Variants in SLC26A3 observed in about 807,000 individuals in gnomAD.
SLC26A3 encodes the protein solute carrier family 26 member 3, also known as chloride anion exchanger.
SLC26A3 carries 64 observed loss-of-function variants against 85.6 expected under a neutral mutation model. The ratio of observed to expected loss-of-function variants is 0.75; its 90% CI spans 0.61 to 0.92. The LOEUF (loss-of-function observed/expected upper bound fraction) is 0.92, where lower values mean the gene tolerates loss of function less well. SLC26A3 is among the 40% of genes least tolerant of loss of function. SLC26A3 has a pLI of 0.00. For missense variants in SLC26A3, 922 were observed against 927.3 expected, an observed-to-expected ratio of 0.99 and a Z score of 0.07; for synonymous variants, 349 against 336.0, an observed-to-expected ratio of 1.04 and a Z score of -0.42.
At chr7:107,784,860 T>C (rs1252091102) in intron 8 of SLC26A3, among the ~76,000 whole-genome samples, 3 of 152,232 alleles carry the variant, frequency 2.0e-5, no homozygotes, top group Non-Finnish European at 4.4e-5. Flanking sequence ...AATATACTCC[T>C]TGTGTTTCCT....
chr7:107,787,859 T>C (rs1206908888), intron 6 of SLC26A3, among the ~76,000 whole-genome samples: 5 of 152,218 alleles, frequency 3.3e-5, no homozygotes, highest in African/African-American at 1.2e-4. Flanking sequence ...ATTTTTTATT[T>C]CACAGCCATC....
intron 13 of SLC26A3, among the ~76,000 whole-genome samples, chr7:107,777,815 C>T (rs1486964028): frequency 6.6e-6 from 1 of 152,174 alleles, no homozygotes; most frequent in African/African-American, 2.4e-5. Context: ...ATCTCAGTAA[C>T]ACATTTCCAT....
intron 16 of SLC26A3, among the ~76,000 whole-genome samples, chr7:107,774,534 A>T (rs982077082): frequency 1.3e-5 from 2 of 152,218 alleles, no homozygotes; most frequent in Non-Finnish European, 2.9e-5. Context: ...AGCCTAGGCC[A>T]CAGAGCAAGA....
intron 8 of SLC26A3, among the ~76,000 whole-genome samples, chr7:107,783,962 T>C (rs1350779921): frequency 6.6e-6 from 1 of 152,216 alleles, no homozygotes; most frequent in Non-Finnish European, 1.5e-5. Context: ...ACTTCTGTGC[T>C]TAAGCCTCAT....
intron 19 of SLC26A3, 38 bp from the exon 20 acceptor site, chr7:107,767,682 AT>A (rs752451485): frequency 5.0e-6 from 8 of 1,600,156 alleles, no homozygotes; most frequent in East Asian, 4.5e-5. Context: ...TTAGGGGCTG[AT>A]TTTTTTTAAT....
chr7:107,796,859 TG>T (rs1305053108), intron 1 of SLC26A3, among the ~76,000 whole-genome samples: 1 of 152,190 alleles, frequency 6.6e-6, no homozygotes, highest in Admixed American at 6.5e-5. Flanking sequence ...AAAAAGATTC[TG>T]CTCTTTGCTT....
Position 107,791,067 on chromosome 7 carries a change from A to T in SLC26A3, c.551T>A (p.Val184Glu). 6.2e-7 allele frequency: 1 copy of T among 1,613,996 alleles called. No homozygotes were observed. Among genetic ancestry groups the T allele is most frequent in the Non-Finnish European group, 8.5e-7 (1 of 1,180,014 alleles). ...VRVAAAASVTVLSGIIQLAFG... is the reference protein window; with the variant it reads ...VRVAAAASVTELSGIIQLAFG... ...GCTCACCTGGATGATTCCAGAAAGCACTGTGACTGATGCCGCCGCCGCCAC... is the reference window on the plus strand; with the variant it reads ...GCTCACCTGGATGATTCCAGAAAGCTCTGTGACTGATGCCGCCGCCGCCAC... The change falls in exon 5 of 21, where the codon GTG (valine) becomes GAG (glutamate). Residue 184 changes from valine to glutamate, a missense_variant. By Grantham distance (121) the Val-to-Glu change is moderately radical (BLOSUM62 -2). Transcript: ENST00000340010.
chr7:107,772,302 G>T (rs1477948239), intron 17 of SLC26A3, among the ~76,000 whole-genome samples, 194 bp from the exon 18 acceptor site: 1 of 152,060 alleles, frequency 6.6e-6, no homozygotes, highest in East Asian at 1.9e-4. Flanking sequence ...CCAAACAAAA[G>T]AACCCTTCTC....
chr7:107,776,809 A>G, intron 13 of SLC26A3, 103 bp from the exon 14 acceptor site: 1 of 1,032,898 alleles, frequency 9.7e-7, no homozygotes, highest in East Asian at 2.4e-5. Flanking sequence ...TCACTTTTCA[A>G]AATGTAAAAG....
chr7:107,778,267 C>T lies in SLC26A3; in HGVS notation c.1422G>A (p.Met474Ile), dbSNP rs753994994. 3 of 1,608,572 alleles carry T rather than the reference C, an allele frequency of 1.9e-6. No individual in the cohort carries two copies. The Admixed American group carries it at 5.0e-5, about 27-fold the overall frequency. Residue 474 changes from methionine to isoleucine, a missense_variant, in exon 13 of 21, where the codon ATG (methionine) becomes ATA (isoleucine). Physicochemically the swap from Met to Ile is conservative, Grantham distance 10. Coordinates refer to ENST00000340010, the MANE Select transcript of SLC26A3 (RefSeq NM_000111.3). Reference sequence around the variant, plus strand: ...CCAGGACAATGGTGAAGATGAAGGTCATGATCCAAATTAACTGTGAAAAGA... The same window carrying T: ...CCAGGACAATGGTGAAGATGAAGGTTATGATCCAAATTAACTGTGAAAAGA... ...KDKYDCLIWI[M>I]TFIFTIVLGL...
chr7:107,794,859 T>G (rs938960092), intron 1 of SLC26A3, among the ~76,000 whole-genome samples: 2 of 152,220 alleles, frequency 1.3e-5, no homozygotes, highest in Non-Finnish European at 2.9e-5. Context: ...ATTAGTCAAT[T>G]TTTTACTTAC....
chr7:107,770,460 G>A (rs1794011361), intron 18 of SLC26A3, among the ~76,000 whole-genome samples: 1 of 149,520 alleles, frequency 6.7e-6, no homozygotes, highest in Admixed American at 6.7e-5. Flanking sequence ...GTTTCACCAT[G>A]TTGCCCAGGC....
In SLC26A3 at chr7:107,779,820, A is replaced by G. The variant is rs751148050; in HGVS notation, c.1312-57T>C. 7.7e-4 allele frequency: 1,092 copies of G among 1,412,830 alleles called. 1 individual carries two copies. Among genetic ancestry groups the G allele is most frequent in the Non-Finnish European group, 1.0e-3 (1,015 of 1,000,204 alleles). The allele number at this position is 1,412,830 out of a possible 1,614,324, so 87.5% of individuals were successfully genotyped here. ...AAGTTAATGAAATAAACCACAGGGA[A>G]GCAAAGGTGAAGGCTATAGATAAGT... On this transcript the variant is annotated intron_variant, in intron 11 of 20. Coordinates refer to ENST00000340010, the MANE Select transcript of SLC26A3 (RefSeq NM_000111.3).
chr7:107,782,456 C>T (rs938647789), intron 11 of SLC26A3, among the ~76,000 whole-genome samples: 1 of 152,130 alleles, frequency 6.6e-6, no homozygotes. Flanking sequence ...GATAGAGGGC[C>T]TGATTACCTT....
intron 6 of SLC26A3, among the ~76,000 whole-genome samples, chr7:107,787,766 C>A (rs1794323272): frequency 6.6e-6 from 1 of 152,152 alleles, no homozygotes. Flanking sequence ...CTGGGAATCT[C>A]TTTGGCTAGT....
intron 8 of SLC26A3, among the ~76,000 whole-genome samples, chr7:107,786,028 T>G (rs543709424): frequency 2.2e-4 from 34 of 152,318 alleles, no homozygotes; most frequent in African/African-American, 7.9e-4. Context: ...GAAATACATT[T>G]TAAAATTCTT....
At chr7:107,769,916 T>G (rs1351448554) in intron 18 of SLC26A3, among the ~76,000 whole-genome samples, 1 of 152,082 alleles carries the variant, frequency 6.6e-6, no homozygotes, top group Non-Finnish European at 1.5e-5. Context: ...TTCTAGTCTG[T>G]ACTCAAAATG....
chr7:107,786,252 A>G (rs1441938459), intron 8 of SLC26A3, among the ~76,000 whole-genome samples: 1 of 152,190 alleles, frequency 6.6e-6, no homozygotes, highest in Non-Finnish European at 1.5e-5. Flanking sequence ...GGACAAGGAA[A>G]TCTGGTTTCA....
At chr7:107,769,870 C>T (rs940099798) in intron 18 of SLC26A3, among the ~76,000 whole-genome samples, 15 of 152,022 alleles carry the variant, frequency 9.9e-5, no homozygotes, top group African/African-American at 3.4e-4. Context: ...TAAAAAGCTC[C>T]CCCTAAGTAC....
Sources: allele counts gnomAD v4.1 joint callset (sites outside exome capture counted in the v4.1 genomes callset), GRCh38; gene constraint gnomAD v4.1.1; transcripts MANE v1.5; gene names NCBI Gene and HGNC (gene_info 2026-07-23, HGNC 2026-07-21).